MBP: variants seen among roughly 807,000 people sequenced by gnomAD.
MBP encodes Golli-MBP.
A neutral mutation model predicts 35.8 loss-of-function variants in MBP; 16 were observed. That is an observed-to-expected ratio of 0.45 (90% CI 0.30 to 0.68). MBP has a LOEUF of 0.68. MBP is among the 30% of genes least tolerant of loss of function. The pLI is 0.08. For synonymous variants in MBP, 143 were observed against 159.6 expected (o/e 0.90, Z 0.78); for missense variants, 380 against 404.7 (o/e 0.94, Z 0.52).
At position 77,131,060 on chromosome 18, in the gene MBP, AACAC is replaced by A. The variant is rs371361297; in HGVS notation, c.-26+1516_-26+1519del. Among the ~76,000 whole-genome samples the A allele has an allele frequency of 4.2e-5, 5 of 120,118 alleles. No individual in the cohort carries two copies. Among genetic ancestry groups the A allele is most frequent in the Admixed American group, 1.7e-4 (2 of 11,814 alleles). The allele number at this position is 120,118 out of a possible 152,430, so 78.8% of individuals were successfully genotyped here. A position where few individuals can be genotyped will look rare whatever the true frequency, so the allele number is the denominator to read the frequency against. On this transcript the variant is annotated intron_variant, in intron 1 of 8. Transcript: ENST00000355994. The surrounding 1 kb of genome is among the most constrained non-coding windows in gnomAD (Gnocchi z 5.5). The stretch of plus-strand genomic sequence containing the variant: ...AAAAAAACAAAACCTCAAAAAACAA[AACAC>A]ACACACGCGCGCACGCACGCGCACA...
At chr18:77,092,382 C>G (rs1975568495) in intron 2 of MBP, among the ~76,000 whole-genome samples, 1 of 152,224 alleles carries the variant, frequency 6.6e-6, no homozygotes, top group Non-Finnish European at 1.5e-5. Flanking sequence ...GAAGGAGCGT[C>G]GTCATGGCCA....
chr18:77,096,724 C>A, intron 2 of MBP, among the ~76,000 whole-genome samples: 1 of 152,160 alleles, frequency 6.6e-6, no homozygotes, highest in East Asian at 1.9e-4. Flanking sequence ...GGTTTCCAGA[C>A]TTATTGCTTG....
chr18:77,019,966 C>T (rs62105714), intron 3 of MBP, among the ~76,000 whole-genome samples: 9,464 of 152,186 alleles, frequency 0.062, 346 homozygotes, highest in Middle Eastern at 0.12. Flanking sequence ...AGGGAACTGA[C>T]CATCTGTGAG....
intron 3 of MBP, among the ~76,000 whole-genome samples, chr18:77,055,809 C>A (rs371991609): frequency 1.3e-5 from 2 of 152,316 alleles, no homozygotes; most frequent in South Asian, 4.1e-4. Context: ...GAGAGTTCAA[C>A]CCCATTGGAA....
chr18:77,075,667 G>A (rs1040516413), intron 2 of MBP, among the ~76,000 whole-genome samples: 3 of 152,212 alleles, frequency 2.0e-5, no homozygotes, highest in Admixed American at 1.3e-4. Context: ...AGACCCGCGT[G>A]AACTCATCTT....
chr18:77,082,300 T>C (rs1312493677), intron 2 of MBP, among the ~76,000 whole-genome samples: 2 of 152,184 alleles, frequency 1.3e-5, no homozygotes, highest in Non-Finnish European at 2.9e-5. Flanking sequence ...TGCTACACCA[T>C]GGATGAGCCT....
At chr18:77,066,696 G>C in intron 2 of MBP, 1 of 578,362 alleles carries the variant, frequency 1.7e-6, no homozygotes, top group Non-Finnish European at 3.3e-6. Flanking sequence ...TTCCAAGGGT[G>C]AGCCCACATA....
At chr18:77,059,559 CTAAT>C (rs1212167080) in intron 3 of MBP, among the ~76,000 whole-genome samples, 2 of 151,418 alleles carry the variant, frequency 1.3e-5, no homozygotes, top group Non-Finnish European at 2.9e-5. Flanking sequence ...TAATTTTTAT[CTAAT>C]TAATCAAATT....
chr18:76,991,408 T>C (rs470924), intron 4 of MBP, among the ~76,000 whole-genome samples: 129,134 of 152,002 alleles, frequency 0.85, 56,896 homozygotes, highest in Non-Finnish European at 0.96. Flanking sequence ...ACAGGGGACA[T>C]GGGGGCAGGT....
chr18:77,049,511 GGAGT>G (rs558905346), intron 3 of MBP, among the ~76,000 whole-genome samples: 74 of 152,144 alleles, frequency 4.9e-4, no homozygotes, highest in African/African-American at 1.7e-3. Context: ...TGGTTTGGGA[GGAGT>G]ATTTTGCCTA....
chr18:77,016,918 G>C lies in MBP; in HGVS notation c.490C>G (p.Pro164Ala). Residue 164 changes from proline to alanine, a missense_variant, in exon 4 of 9, where the codon CCA becomes GCA. By Grantham distance (27) the Pro-to-Ala change is conservative (BLOSUM62 -1). Transcript: ENST00000355994. ...AGGATGCCCGTGTCTCTGTGCCTTG[G>C]GAGGAAGCCATGCCTGGCATGGTCC... ...TMDHARHGFL[P>A]RHRDTGILDS... 1.2e-6 allele frequency: 2 copies of C among 1,614,226 alleles called. No individual in the cohort carries two copies. Among genetic ancestry groups the C allele is most frequent in the Non-Finnish European group, 1.7e-6 (2 of 1,180,044 alleles).
intron 3 of MBP, among the ~76,000 whole-genome samples, chr18:77,038,467 G>C (rs1972860902): frequency 6.6e-6 from 1 of 152,198 alleles, no homozygotes; most frequent in African/African-American, 2.4e-5. Context: ...ACAGCACGCT[G>C]GCAGTAGAAA....
At chr18:77,077,650 G>T (rs1217655609) in intron 2 of MBP, among the ~76,000 whole-genome samples, 1 of 152,194 alleles carries the variant, frequency 6.6e-6, no homozygotes, top group Non-Finnish European at 1.5e-5. Flanking sequence ...CCGGCCCGGG[G>T]CGGTGGCCTC....
At chr18:76,990,961 G>A in intron 4 of MBP, 1 of 261,606 alleles carries the variant, frequency 3.8e-6, no homozygotes, top group Admixed American at 5.4e-5. Context: ...TAATTCAAGG[G>A]GGATTCCATC....
At chr18:77,009,155 CCCTGCTCACGGTGACGGCAGT>C (rs1350514661) in intron 4 of MBP, among the ~76,000 whole-genome samples, 30 of 152,238 alleles carry the variant, frequency 2.0e-4, no homozygotes, top group African/African-American at 7.2e-4. Flanking sequence ...CAAACGGCAG[CCCTGCTCACGGTGACGGCAGT>C]GCCAGCTCTG....
intron 2 of MBP, among the ~76,000 whole-genome samples, chr18:77,103,523 T>C (rs1568341291): frequency 1.3e-5 from 2 of 152,156 alleles, no homozygotes; most frequent in Admixed American, 1.3e-4. Flanking sequence ...TGTTGAAAAA[T>C]CAAAAGTATT....
intron 1 of MBP, among the ~76,000 whole-genome samples, chr18:77,128,334 A>C (rs1353728959): frequency 3.3e-5 from 5 of 152,240 alleles, no homozygotes; most frequent in African/African-American, 1.2e-4. Flanking sequence ...TTAAAGCGAC[A>C]AAATTATAGA....
intron 3 of MBP, among the ~76,000 whole-genome samples, chr18:77,023,455 C>T (rs1356016412): frequency 1.3e-5 from 2 of 152,146 alleles, no homozygotes; most frequent in African/African-American, 2.4e-5. Context: ...TGCTTGCTGC[C>T]GCTTTCTGCT....
intron 3 of MBP, among the ~76,000 whole-genome samples, chr18:77,032,596 A>T (rs1972585393): frequency 6.6e-6 from 1 of 152,248 alleles, no homozygotes; most frequent in African/African-American, 2.4e-5. Flanking sequence ...GGCTGCACAC[A>T]CTGAGCTCAG....
Sources: gnomAD v4.1 joint callset for allele counts (sites outside exome capture counted in the v4.1 genomes callset) on GRCh38, gnomAD v4.1.1 for gene constraint, Gnocchi (gnomAD v3.1) non-coding constraint, MANE v1.5 for transcripts, NCBI Gene and HGNC (gene_info 2026-07-23, HGNC 2026-07-21) for gene names.